Variants in SELENOI observed in about 807,000 individuals in gnomAD.
The protein encoded by SELENOI is selenoprotein I.
SELENOI carries 24 observed loss-of-function variants against 50.7 expected under a neutral mutation model. That is an observed-to-expected ratio of 0.47 (90% confidence interval 0.34 to 0.67). SELENOI has a LOEUF of 0.67. Ranked by LOEUF, SELENOI falls within the 30% of genes least tolerant of loss-of-function variation. SELENOI has a pLI of 0.01. For synonymous variants in SELENOI, 155 were observed against 170.2 expected, an observed-to-expected ratio of 0.91 and a Z score of 0.70; for missense variants, 352 against 461.4, an observed-to-expected ratio of 0.76 and a Z score of 2.17.
Position 26,383,284 on chromosome 2 carries a change from A to T in SELENOI, c.683-15A>T, listed in dbSNP as rs1558421824. On this transcript the variant is annotated splice_polypyrimidine_tract_variant and intron_variant, in intron 6 of 9. Coordinates refer to ENST00000260585, the MANE Select transcript of SELENOI (RefSeq NM_033505.4). ...TCTTGAATAAGCATAATAATTGAAT[A>T]ATTATTCCCTTTAGGTTGTGCATTA... 1.3e-6 allele frequency: 2 copies of T among 1,512,316 alleles called. No individual in the cohort carries two copies. The highest frequency in any genetic ancestry group is 1.8e-6 in the Non-Finnish European group (2 of 1,119,502). 93.7% of individuals were successfully genotyped at this position (1,512,316 alleles called of 1,614,324 possible). A position where few individuals can be genotyped will look rare whatever the true frequency, so the allele number is the denominator to read the frequency against.
chr2:26,385,423 A>G (rs1558422547), intron 8 of SELENOI, among the ~76,000 whole-genome samples: 1 of 152,232 alleles, frequency 6.6e-6, no homozygotes, highest in Non-Finnish European at 1.5e-5. Flanking sequence ...AAAAATTTAT[A>G]GATTCCCTTT....
chr2:26,358,461 T>G (rs1677109326), intron 1 of SELENOI, among the ~76,000 whole-genome samples: 1 of 151,778 alleles, frequency 6.6e-6, no homozygotes, highest in South Asian at 2.1e-4. Context: ...CTCAAGTGAT[T>G]CCCCCACCCC....
rs1178876213 is a variant in SELENOI, at chr2:26,394,657, T to TA, written c.*5557dup. 1 of 152,012 alleles carries TA rather than the reference T, an allele frequency of 6.6e-6. No homozygotes were observed. The highest frequency in any genetic ancestry group is 2.4e-5 in the African/African-American group (1 of 41,384). The allele number at this position is 152,012 out of a possible 1,614,324, so 9.4% of individuals were successfully genotyped here. A position where few individuals can be genotyped will look rare whatever the true frequency, so the allele number is the denominator to read the frequency against. On this transcript the variant is annotated 3_prime_UTR_variant, in exon 10 of 10. Coordinates refer to ENST00000260585, the MANE Select transcript of SELENOI (RefSeq NM_033505.4). This position sits in a 1 kb window ranked among gnomAD's most constrained non-coding sequence, Gnocchi z 4.1. ...CTAAATTTCTGGGTGTTTTTTTTTT[T>TA]AAAGTAGCATTTTCTCTGGGTAAAG...
chr2:26,349,913 T>C (rs1676918931), intron 1 of SELENOI, among the ~76,000 whole-genome samples: 1 of 107,670 alleles, frequency 9.3e-6, no homozygotes, highest in Non-Finnish European at 1.7e-5. Context: ...TTGGGCAACA[T>C]AGTGAGACCT....
chr2:26,376,390 A>T (rs1225548903), intron 6 of SELENOI, among the ~76,000 whole-genome samples: 1 of 152,212 alleles, frequency 6.6e-6, no homozygotes, highest in Non-Finnish European at 1.5e-5. Flanking sequence ...TGATTGTCCC[A>T]TGGCAGGTTT....
In SELENOI at chr2:26,376,592, T is replaced by A. The variant is rs550211321; in HGVS notation, c.682+1444T>A. 1.8e-4 allele frequency among the ~76,000 whole-genome samples: 28 copies of A among 152,336 alleles called. 1 individual carries two copies. In the South Asian group the frequency reaches 5.4e-3, roughly 29 times the overall value. ...TTTTCAATACCAGTGCCAATCTTGT[T>A]TGAAATGCACCAGTACTCTTTAGCC... On this transcript the variant is annotated intron_variant, in intron 6 of 9. Coordinates refer to ENST00000260585, the MANE Select transcript of SELENOI (RefSeq NM_033505.4).
At chr2:26,383,543 A>G (rs557415613) in intron 7 of SELENOI, among the ~76,000 whole-genome samples, 196 bp downstream of exon 7, 46 of 152,218 alleles carry the variant, frequency 3.0e-4, no homozygotes, top group Admixed American at 6.5e-4. Flanking sequence ...ACACAGCACA[A>G]AACTACTAGT....
At chr2:26,380,580 G>A (rs910544268) in intron 6 of SELENOI, among the ~76,000 whole-genome samples, 1 of 152,178 alleles carries the variant, frequency 6.6e-6, no homozygotes, top group African/African-American at 2.4e-5. Flanking sequence ...ACAAATTGCT[G>A]CAGTGAATAG....
Position 26,346,279 on chromosome 2 carries a change from A to G in SELENOI, c.47A>G (p.Asp16Gly). 1 of 1,613,474 alleles carries G rather than the reference A, an allele frequency of 6.2e-7. No homozygotes were observed. Among genetic ancestry groups the G allele is most frequent in the Non-Finnish European group, 8.5e-7 (1 of 1,179,556 alleles). ...YVSPEQLAGFDKYKYSAVDTN... is the reference protein window; with the variant it reads ...YVSPEQLAGFGKYKYSAVDTN... ...AGCCCGGAGCAGCTGGCTGGCTTTG[A>G]TAAGTACAAGGTACCGCGGGCCGGC... Residue 16 changes from aspartate (D) to glycine (G), a missense_variant, in exon 1 of 10, where the codon GAT (aspartate) becomes GGT (glycine). Asp to Gly is a moderately conservative substitution (Grantham distance 94). Coordinates refer to ENST00000260585, the MANE Select transcript of SELENOI (RefSeq NM_033505.4).
chr2:26,360,389 C>G (rs1263469091), intron 1 of SELENOI, among the ~76,000 whole-genome samples: 2 of 152,234 alleles, frequency 1.3e-5, no homozygotes, highest in Non-Finnish European at 2.9e-5. Context: ...ATTAGGTAAA[C>G]TGGCCTCCTT....
At position 26,354,681 on chromosome 2, in the gene SELENOI, G is replaced by A. The variant is rs549627846; in HGVS notation, c.57+8392G>A. Among the ~76,000 whole-genome samples the A allele has an allele frequency of 1.7e-3, 252 of 152,078 alleles. 2 individuals are homozygous for A. The highest frequency in any genetic ancestry group is 2.6e-3 in the Admixed American group (40 of 15,284). ...GCTGGGATTACAGATGTGAGCCACC[G>A]CGCCTGGCGGTACTGGCTGTTTTTG... On this transcript the variant is annotated intron_variant, in intron 1 of 9. Coordinates refer to ENST00000260585, the MANE Select transcript of SELENOI (RefSeq NM_033505.4).
At chr2:26,369,518 G>T (rs1276742114) in intron 4 of SELENOI, among the ~76,000 whole-genome samples, 1 of 151,944 alleles carries the variant, frequency 6.6e-6, no homozygotes, top group Non-Finnish European at 1.5e-5. Flanking sequence ...CATCTTTTGC[G>T]GCATTTTATC....
chr2:26,352,843 GAA>G (rs35795789), intron 1 of SELENOI, among the ~76,000 whole-genome samples: 10 of 126,322 alleles, frequency 7.9e-5, no homozygotes, highest in African/African-American at 1.8e-4. Flanking sequence ...GGATTCTCTT[GAA>G]AAAAAAAAAA....
chr2:26,384,888 A>G, intron 7 of SELENOI, 71 bp from the exon 8 acceptor site: 1 of 1,088,496 alleles, frequency 9.2e-7, no homozygotes. Flanking sequence ...AGGAAACTAT[A>G]AACTACAGTA....
rs6723951 is a variant in SELENOI at position 26,387,193 on chromosome 2, A to G, written c.1095+657A>G. Among the ~76,000 whole-genome samples the G allele has an allele frequency of 4.7e-3, 717 of 152,366 alleles. 2 individuals are homozygous for G. The highest frequency in any genetic ancestry group is 0.016 in the African/African-American group (680 of 41,576). The stretch of plus-strand genomic sequence containing the variant: ...TTGATATTTTCTTCTAAAATAAACT[A>G]ATTTTAGGAGAATGGACGAATATAG... On this transcript the variant is annotated intron_variant, in intron 9 of 9. Coordinates refer to ENST00000260585, the MANE Select transcript of SELENOI (RefSeq NM_033505.4).
chr2:26,347,565 A>G (rs911199389), intron 1 of SELENOI, among the ~76,000 whole-genome samples: 1 of 152,230 alleles, frequency 6.6e-6, no homozygotes, highest in Non-Finnish European at 1.5e-5. Flanking sequence ...AAGAGGGTCC[A>G]GAGCCTTCTT....
chr2:26,383,873 CA>C (rs971432334), intron 7 of SELENOI, among the ~76,000 whole-genome samples: 23 of 144,946 alleles, frequency 1.6e-4, no homozygotes, highest in South Asian at 2.2e-4. Flanking sequence ...GACTCTGTCT[CA>C]AAAAAAAAAA....
intron 1 of SELENOI, among the ~76,000 whole-genome samples, chr2:26,363,259 T>C (rs1042102247): frequency 1.2e-4 from 18 of 152,344 alleles, no homozygotes; most frequent in African/African-American, 3.6e-4. Context: ...TGACAATCCC[T>C]TGAGGTAAGG....
At chr2:26,351,709 G>T (rs895030541) in intron 1 of SELENOI, among the ~76,000 whole-genome samples, 1 of 152,196 alleles carries the variant, frequency 6.6e-6, no homozygotes, top group Non-Finnish European at 1.5e-5. Context: ...TGATGTAAAG[G>T]ACTTCTGGAT....
Sources: gnomAD v4.1 joint callset for allele counts (sites outside exome capture counted in the v4.1 genomes callset) on GRCh38, gnomAD v4.1.1 for gene constraint, Gnocchi (gnomAD v3.1) non-coding constraint, MANE v1.5 for transcripts, NCBI Gene and HGNC (gene_info 2026-07-23, HGNC 2026-07-21) for gene names.